Variants in UNC5C observed in about 807,000 individuals in gnomAD.
The protein encoded by UNC5C is unc-5 netrin receptor C.
In UNC5C, 47 loss-of-function variants were observed where a neutral mutation model predicts 99.8. The ratio of observed to expected loss-of-function variants is 0.47; its 90% confidence interval spans 0.37 to 0.60. UNC5C has a LOEUF of 0.60. UNC5C is among the 20% of genes least tolerant of loss of function. The pLI is 0.00. For synonymous variants in UNC5C, 487 were observed against 452.2 expected, an observed-to-expected ratio of 1.08 and a Z score of -0.98; for missense variants, 1,062 against 1,165.9, an observed-to-expected ratio of 0.91 and a Z score of 1.30.
In UNC5C at chr4:95,234,260, A is replaced by C. The variant is rs139300210; in HGVS notation, c.1108+8169T>G. ...ATGTACACAGTACAACTGGTCTTCC[A>C]ATACTGATTCTGTAGTATTATTAAG... On this transcript the variant is annotated intron_variant, in intron 7 of 15. Transcript: ENST00000453304. Among the ~76,000 whole-genome samples the C allele has an allele frequency of 8.6e-3, 1,314 of 152,286 alleles. 18 individuals are homozygous for C. The highest frequency in any genetic ancestry group is 0.031 in the Middle Eastern group (9 of 294).
intron 7 of UNC5C, 101 bp downstream of exon 7, chr4:95,242,328 G>C: frequency 2.7e-6 from 4 of 1,469,392 alleles, no homozygotes; most frequent in Non-Finnish European, 3.7e-6. Flanking sequence ...GCATTTTATT[G>C]TTGTTGAAAG....
chr4:95,242,511 C>G lies in UNC5C; in HGVS notation c.1026G>C (p.Ala342=). The part of the protein sequence containing the change: ...CTHWRRRECT[A]PAPKNGGKDC... Reference sequence around the variant, plus strand: ...CCTTGCCTCCATTCTTGGGGGCTGGCGCCGTGCACTCCCTCCTGCGCCAGT... The same window carrying G: ...CCTTGCCTCCATTCTTGGGGGCTGGGGCCGTGCACTCCCTCCTGCGCCAGT... The change falls in exon 7 of 16, where the codon GCG becomes GCC. Residue 342 remains alanine (A), a synonymous_variant. Transcript: ENST00000453304. 1 of 1,613,426 alleles carries G rather than the reference C, an allele frequency of 6.2e-7. No homozygotes were observed. The highest frequency in any genetic ancestry group is 8.5e-7 in the Non-Finnish European group (1 of 1,179,714).
intron 1 of UNC5C, among the ~76,000 whole-genome samples, chr4:95,375,048 C>G (rs1744854188): frequency 6.6e-6 from 1 of 152,036 alleles, no homozygotes; most frequent in Non-Finnish European, 1.5e-5. Flanking sequence ...TTAACAGAGA[C>G]TGGAAAGTGG....
intron 7 of UNC5C, among the ~76,000 whole-genome samples, chr4:95,234,650 C>G (rs1275626929): frequency 6.6e-6 from 1 of 152,162 alleles, no homozygotes; most frequent in Non-Finnish European, 1.5e-5. Flanking sequence ...CTTCTAATTA[C>G]TCTTTAGTAA....
chr4:95,416,803 C>T (rs962932327), intron 1 of UNC5C, among the ~76,000 whole-genome samples: 11 of 152,064 alleles, frequency 7.2e-5, no homozygotes, highest in African/African-American at 2.7e-4. Flanking sequence ...AATTTAATAG[C>T]GTGTGCAATG....
intron 1 of UNC5C, among the ~76,000 whole-genome samples, chr4:95,366,579 G>A: frequency 6.6e-6 from 1 of 152,176 alleles, no homozygotes; most frequent in East Asian, 1.9e-4. Flanking sequence ...ACCTAGTCAT[G>A]AAGTTGATTG....
chr4:95,203,312 A>C (rs559224629), intron 11 of UNC5C, among the ~76,000 whole-genome samples: 73 of 152,312 alleles, frequency 4.8e-4, no homozygotes, highest in African/African-American at 1.7e-3. Flanking sequence ...CTCACCTGAC[A>C]GTTTCTTCCT....
At chr4:95,329,813 C>T (rs1354757325) in intron 2 of UNC5C, among the ~76,000 whole-genome samples, 1 of 152,018 alleles carries the variant, frequency 6.6e-6, no homozygotes. Context: ...TTTAATAATG[C>T]CTTCCTGTAA....
intron 5 of UNC5C, 78 bp downstream of exon 5, chr4:95,250,409 G>C: frequency 7.0e-7 from 1 of 1,436,214 alleles, no homozygotes; most frequent in Non-Finnish European, 9.5e-7. Context: ...TTTAAAAAAA[G>C]GGCTTCTAGC....
chr4:95,517,737 G>T (rs1459341044), intron 1 of UNC5C, among the ~76,000 whole-genome samples: 1 of 152,116 alleles, frequency 6.6e-6, no homozygotes, highest in Non-Finnish European at 1.5e-5. Context: ...TGGTCATTTT[G>T]GCATGATCAC....
At chr4:95,276,937 A>G (rs934528769) in intron 4 of UNC5C, among the ~76,000 whole-genome samples, 5 of 152,126 alleles carry the variant, frequency 3.3e-5, no homozygotes, top group Admixed American at 3.3e-4. Flanking sequence ...GTGATAGAAA[A>G]ATGGGGTTAT....
At chr4:95,309,789 A>G (rs1421987717) in intron 2 of UNC5C, among the ~76,000 whole-genome samples, 1 of 152,230 alleles carries the variant, frequency 6.6e-6, no homozygotes, top group Non-Finnish European at 1.5e-5. Flanking sequence ...AGTGTTGGCA[A>G]AGGATATGGG....
At chr4:95,419,932 A>T (rs1466390074) in intron 1 of UNC5C, among the ~76,000 whole-genome samples, 1 of 152,174 alleles carries the variant, frequency 6.6e-6, no homozygotes, top group East Asian at 1.9e-4. Flanking sequence ...GACAGGATGG[A>T]TATTTTTTAC....
At position 95,546,931 on chromosome 4, in the gene UNC5C, C is replaced by A. The variant is rs573597935; in HGVS notation, c.124+1803G>T. ...AACAGTTCTCTCACCGTGCCCCGTC[C>A]CCCTCTCCCGCCACCCACCCCCATG... On this transcript the variant is annotated intron_variant, in intron 1 of 15. Transcript: ENST00000453304. 4.3e-4 allele frequency among the ~76,000 whole-genome samples: 65 copies of A among 152,228 alleles called. 4 individuals are homozygous for A. In the South Asian group the frequency reaches 0.013, roughly 31 times the overall value.
At chr4:95,290,343 GTTT>G (rs36036934) in intron 3 of UNC5C, among the ~76,000 whole-genome samples, 19 of 148,218 alleles carry the variant, frequency 1.3e-4, no homozygotes, top group Admixed American at 2.0e-4. Context: ...GTTTGGTGGT[GTTT>G]TTTTTTTTTT....
intron 1 of UNC5C, among the ~76,000 whole-genome samples, chr4:95,343,370 C>T (rs551544195): frequency 1.8e-4 from 28 of 152,234 alleles, no homozygotes; most frequent in African/African-American, 6.5e-4. Context: ...CCAAAATTCT[C>T]TGCCTAGTAA....
intron 10 of UNC5C, among the ~76,000 whole-genome samples, chr4:95,214,862 G>C (rs1434534): frequency 1.3e-5 from 2 of 152,074 alleles, no homozygotes; most frequent in East Asian, 3.9e-4. Context: ...TGATGCAAAA[G>C]AAGGGAGCTT....
intron 2 of UNC5C, among the ~76,000 whole-genome samples, chr4:95,314,960 T>C (rs1428641027): frequency 6.6e-6 from 1 of 152,194 alleles, no homozygotes; most frequent in Non-Finnish European, 1.5e-5. Flanking sequence ...TTTGAGGCAG[T>C]TGGGCATAAT....
intron 1 of UNC5C, among the ~76,000 whole-genome samples, chr4:95,444,626 G>C (rs1387313312): frequency 6.6e-6 from 1 of 152,098 alleles, no homozygotes; most frequent in Non-Finnish European, 1.5e-5. Flanking sequence ...GCACCGCGCC[G>C]GGCCTGCATT....
Sources: allele counts gnomAD v4.1 joint callset (sites outside exome capture counted in the v4.1 genomes callset), GRCh38; gene constraint gnomAD v4.1.1; transcripts MANE v1.5; gene names NCBI Gene and HGNC (gene_info 2026-07-23, HGNC 2026-07-21).